The following BTK variants were observed in gnomAD, a reference collection of about 807,000 sequenced individuals.
BTK encodes Bruton tyrosine kinase, also known as tyrosine-protein kinase BTK.
A neutral mutation model predicts 57.4 loss-of-function variants in BTK; 5 were observed. The ratio of observed to expected loss-of-function variants is 0.09; its 90% CI spans 0.05 to 0.18. BTK has a LOEUF of 0.18. Among genes scored for constraint, BTK ranks in the 10% least tolerant of loss-of-function variants. BTK has a pLI of 1.00. For synonymous variants in BTK, 154 were observed against 174.3 expected, an observed-to-expected ratio of 0.88 and a Z score of 0.92; for missense variants, 194 against 501.2, an observed-to-expected ratio of 0.39 and a Z score of 5.85.
chrX:101,384,031 G>A (rs1555982184), intron 1 of BTK, among the ~76,000 whole-genome samples: 1 of 111,710 alleles, frequency 9.0e-6, no homozygotes, highest in Non-Finnish European at 1.9e-5. Context: ...CTTATTTTCA[G>A]TAGTTAGCAA....
chrX:101,385,868 G>A (rs1237595018), intron 1 of BTK, among the ~76,000 whole-genome samples, 194 bp downstream of exon 1: 2 of 111,306 alleles, frequency 1.8e-5, no homozygotes, highest in African/African-American at 3.3e-5. Flanking sequence ...AGCCCTTGTC[G>A]GAAAGGACCC....
In BTK at chrX:101,349,836, T is replaced by A. The variant is rs781827744; in HGVS notation, c.*49A>T. 2.9e-4 allele frequency: 323 copies of A among 1,096,509 alleles called. No individual in the cohort carries two copies. The highest frequency in any genetic ancestry group is 4.7e-4 in the Admixed American group (21 of 45,007). The allele number at this position is 1,096,509 out of a possible 1,213,427, so 90.4% of individuals were successfully genotyped here. ...TGGGATTTCCTCTGAGAAAGTGAAA[T>A]TGGGGCTTGTGGAGAAGAGAAGTAG... On this transcript the variant is annotated 3_prime_UTR_variant, in exon 19 of 19. Coordinates refer to ENST00000308731, the MANE Select transcript of BTK (RefSeq NM_000061.3).
chrX:101,380,622 C>G (rs1555981605), intron 1 of BTK, among the ~76,000 whole-genome samples: 1 of 111,077 alleles, frequency 9.0e-6, no homozygotes, highest in African/African-American at 3.3e-5. Context: ...TTACCAATAT[C>G]TTGAGTTTGG....
intron 13 of BTK, 133 bp from the exon 14 acceptor site, chrX:101,357,088 G>T: frequency 1.4e-6 from 1 of 709,022 alleles, no homozygotes; most frequent in Non-Finnish European, 2.2e-6. Context: ...ATCTGTCTTT[G>T]CTTAAGTCAA....
chrX:101,384,064 T>C (rs1555982193), intron 1 of BTK, among the ~76,000 whole-genome samples: 1 of 111,680 alleles, frequency 9.0e-6, no homozygotes, highest in African/African-American at 3.3e-5. Flanking sequence ...AATCAGATCA[T>C]TGTGGGTGTA....
At chrX:101,355,651 A>C (rs1405168928) in intron 15 of BTK, 8 of 160,588 alleles carry the variant, frequency 5.0e-5, no homozygotes, top group South Asian at 1.8e-4. Flanking sequence ...CATAAAAAAA[A>C]CCCACACATG....
chrX:101,350,399 AC>A (rs1188268861), intron 18 of BTK, among the ~76,000 whole-genome samples: 1 of 86,151 alleles, frequency 1.2e-5, no homozygotes, highest in Non-Finnish European at 2.2e-5. Context: ...AGTACCTGGG[AC>A]CTTTTTTTTT....
rs782325037 is a variant in BTK at position 101,370,293 on chromosome X, G to A, written c.310-214C>T. Among the ~76,000 whole-genome samples the A allele has an allele frequency of 6.3e-5, 7 of 111,853 alleles. No individual in the cohort carries two copies. The Admixed American group carries it at 6.7e-4, about 11-fold the overall frequency. The stretch of plus-strand genomic sequence containing the variant: ...GGAATGTAGCGTTTAAAAGCTCTTA[G>A]AATTTTTCATACTCTTAGGTCCTCC... On this transcript the variant is annotated intron_variant, in intron 4 of 18. Coordinates refer to ENST00000308731, the MANE Select transcript of BTK (RefSeq NM_000061.3).
In BTK at chrX:101,368,499, T is replaced by C. The variant is rs972919872; in HGVS notation, c.391+1499A>G. ...AGAATCCAGGCTCCACCATTCACTG[T>C]GTGCCCATGAGCAAGTTGCATAACA... On this transcript the variant is annotated intron_variant, in intron 5 of 18. Transcript: ENST00000308731. 2.7e-5 allele frequency among the ~76,000 whole-genome samples: 3 copies of C among 112,257 alleles called. No homozygotes were observed. The East Asian group carries it at 8.3e-4, about 31-fold the overall frequency.
chrX:101,389,315 G>C (rs1555982861), upstream of BTK, among the ~76,000 whole-genome samples: 2 of 111,362 alleles, frequency 1.8e-5, no homozygotes, highest in Non-Finnish European at 3.8e-5. Context: ...CATAACACCA[G>C]ATATGATAGA....
upstream of BTK, among the ~76,000 whole-genome samples, chrX:101,387,298 T>C (rs1927642386): frequency 9.3e-6 from 1 of 107,101 alleles, no homozygotes; most frequent in African/African-American, 3.4e-5. Context: ...TATTGACCCA[T>C]CCTCTAAGAT....
intron 4 of BTK, among the ~76,000 whole-genome samples, chrX:101,371,024 G>A: frequency 8.9e-6 from 1 of 112,127 alleles, no homozygotes; most frequent in African/African-American, 3.2e-5. Context: ...CCCCTCCCCT[G>A]AGACTTTCCA....
At chrX:101,360,440 C>G (rs1490859585) in intron 8 of BTK, 128 bp downstream of exon 8, 1 of 732,617 alleles carries the variant, frequency 1.4e-6, no homozygotes, top group Non-Finnish European at 2.1e-6. Flanking sequence ...GGAGGGAGAG[C>G]ATGTTCAGTC....
At chrX:101,365,312 T>C (rs113793128) in intron 5 of BTK, among the ~76,000 whole-genome samples, 1,120 of 111,937 alleles carry the variant, frequency 0.01, 14 homozygotes, top group African/African-American at 0.034. Context: ...TTAGCCACTC[T>C]AATAAACTAA....
At chrX:101,390,534 T>C, upstream of BTK, 1 of 515,635 alleles carries the variant, frequency 1.9e-6, no homozygotes, top group Non-Finnish European at 3.5e-6. Flanking sequence ...ATTTGTTGAA[T>C]GGACCAACTG....
At position 101,359,286 on chromosome X, in the gene BTK, C is replaced by T. The variant is rs886044875; in HGVS notation, c.894+7G>A. 2 of 1,211,102 alleles carry T rather than the reference C, an allele frequency of 1.7e-6. No homozygotes were observed. Among genetic ancestry groups the T allele is most frequent in the Middle Eastern group, 2.3e-4 (1 of 4,338 alleles). On this transcript the variant is annotated splice_region_variant and intron_variant, in intron 10 of 18. Transcript: ENST00000308731. ...AGAATGCTGTGTGCTAGTGGTTCCA[C>T]ACTTACCTCTTGCTTTAGCAGTTGC...
At chrX:101,360,979 G>A (rs1442721266) in intron 7 of BTK, among the ~76,000 whole-genome samples, 1 of 111,146 alleles carries the variant, frequency 9.0e-6, no homozygotes, top group Non-Finnish European at 1.9e-5. Flanking sequence ...ACTTTCGGAG[G>A]CCAAGGCGGG....
chrX:101,352,334 ATGACATGGCCCCACAACACCTCACTCC>A (rs1190461374), intron 18 of BTK, among the ~76,000 whole-genome samples: 1 of 111,723 alleles, frequency 9.0e-6, no homozygotes, highest in African/African-American at 3.3e-5. Flanking sequence ...CTTATGCTAG[ATGACATGGCCCCACAACACCTCACTCC>A]CTAAAGCTGA....
chrX:101,370,141 A>T, intron 4 of BTK, 62 bp from the exon 5 acceptor site: 3 of 902,440 alleles, frequency 3.3e-6, no homozygotes, highest in Non-Finnish European at 4.9e-6. Context: ...AAAGACCTTG[A>T]AAGTACTAAT....
Sources: allele counts gnomAD v4.1 joint callset (sites outside exome capture counted in the v4.1 genomes callset), GRCh38; gene constraint gnomAD v4.1.1; transcripts MANE v1.5; gene names NCBI Gene and HGNC (gene_info 2026-07-23, HGNC 2026-07-21).